Variants in TNNI1 observed in about 807,000 individuals in gnomAD.
TNNI1 encodes troponin I1, slow skeletal type.
Under a neutral mutation model 26.7 loss-of-function variants are expected in TNNI1, and 14 were observed. That is an observed-to-expected ratio of 0.52 (90% CI 0.35 to 0.82). The LOEUF (loss-of-function observed/expected upper bound fraction) is 0.82. Among genes scored for constraint, TNNI1 ranks in the 40% least tolerant of loss-of-function variants. The probability of loss-of-function intolerance (pLI) is 0.01; values close to 1 mark genes in which losing one functional copy is unlikely to be tolerated. For missense variants in TNNI1, 164 were observed against 257.0 expected (o/e 0.64, Z 2.47); for synonymous variants, 79 against 98.2 (o/e 0.80, Z 1.16).
At chr1:201,412,945 G>A in intron 6 of TNNI1, 87 bp downstream of exon 6, 1 of 1,364,550 alleles carries the variant, frequency 7.3e-7, no homozygotes, top group East Asian at 2.3e-5. Flanking sequence ...CCCTGTGGAA[G>A]GAGGGGACCT....
In TNNI1 at chr1:201,411,300, G is replaced by T; in HGVS notation, c.456+57C>A. 6.3e-7 allele frequency: 1 copy of T among 1,595,716 alleles called. No homozygotes were observed. The highest frequency in any genetic ancestry group is 1.1e-5 in the South Asian group (1 of 87,976). On this transcript the variant is annotated intron_variant, in intron 7 of 8. Transcript: ENST00000361379. The surrounding 1 kb of genome is among the most constrained non-coding windows in gnomAD (Gnocchi z 4.6). ...CCAGCCTGAGGCCATGTGAGGGGTT[G>T]ACAAGGGGAAAGCTGGTAGGGCAGA... is the stretch of plus-strand genomic sequence containing the variant.
rs1453011201 is a variant in TNNI1 at position 201,415,066 on chromosome 1, A to G, written c.57+147T>C. 20 of 748,138 alleles carry G rather than the reference A, an allele frequency of 2.7e-5. No individual in the cohort carries two copies. In the East Asian group the frequency reaches 4.6e-4, roughly 17 times the overall value. The allele number at this position is 748,138 out of a possible 1,614,324, so 46.3% of individuals were successfully genotyped here. On this transcript the variant is annotated intron_variant, in intron 4 of 8. Coordinates refer to ENST00000361379, the MANE Select transcript of TNNI1 (RefSeq NM_003281.4). Reference sequence around the variant, plus strand: ...ATCACCTGAGCCTGGCACTGGCTCCAGCAATGCTGGACTCCTGCCCCTCAT... The same window carrying G: ...ATCACCTGAGCCTGGCACTGGCTCCGGCAATGCTGGACTCCTGCCCCTCAT...
At chr1:201,417,934 T>C (rs1571738878) in intron 1 of TNNI1, 122 bp from the exon 2 acceptor site, 2 of 705,918 alleles carry the variant, frequency 2.8e-6, no homozygotes, top group Non-Finnish European at 4.1e-6. Flanking sequence ...ATCAGACACA[T>C]TGGATTCCAG....
rs779571063 is a variant in TNNI1 at position 201,410,544 on chromosome 1, G to A, written c.457-109C>T. ...GTCTCCTCGGATGATAAGAAATCCT[G>A]ATGCCCCTCCCCAGCTGGTAAGGTC... On this transcript the variant is annotated intron_variant, in intron 7 of 8. Transcript: ENST00000361379. 66 of 919,822 alleles carry A rather than the reference G, an allele frequency of 7.2e-5. 1 individual carries two copies. Among genetic ancestry groups the A allele is most frequent in the Non-Finnish European group, 1.1e-4 (64 of 586,666 alleles). 57.0% of individuals were successfully genotyped at this position (919,822 alleles called of 1,614,324 possible).
chr1:201,410,952 G>A (rs1208928085), intron 7 of TNNI1, among the ~76,000 whole-genome samples: 7 of 152,146 alleles, frequency 4.6e-5, no homozygotes, highest in Non-Finnish European at 8.8e-5. Flanking sequence ...TTGTTGCTGG[G>A]TGGTTGAACT....
chr1:201,421,162 A>C (rs988007622), intron 1 of TNNI1, among the ~76,000 whole-genome samples: 2 of 152,226 alleles, frequency 1.3e-5, no homozygotes, highest in African/African-American at 2.4e-5. Context: ...CAAAGAACAC[A>C]GAAGCAAGAT....
intron 3 of TNNI1, among the ~76,000 whole-genome samples, chr1:201,416,598 A>T (rs939755366): frequency 6.6e-6 from 1 of 152,190 alleles, no homozygotes; most frequent in Non-Finnish European, 1.5e-5. Context: ...TAGCCTGGTA[A>T]GTCTGGAGTG....
chr1:201,415,135 C>T (rs982251471), intron 4 of TNNI1, 78 bp downstream of exon 4: 17 of 1,316,818 alleles, frequency 1.3e-5, no homozygotes, highest in African/African-American at 5.8e-5. Context: ...CCATAATCCT[C>T]CACATCCCTT....
At position 201,411,504 on chromosome 1, in the gene TNNI1, G is replaced by A. The variant is rs1389159109; in HGVS notation, c.309C>T (p.Asp103=). 2 of 1,606,850 alleles carry A rather than the reference G, an allele frequency of 1.2e-6. No homozygotes were observed. The highest frequency in any genetic ancestry group is 1.7e-6 in the Non-Finnish European group (2 of 1,177,060). Residue 103 remains aspartate (D), a synonymous_variant, in exon 7 of 9, where the codon GAC becomes GAT. Coordinates refer to ENST00000361379, the MANE Select transcript of TNNI1 (RefSeq NM_003281.4). The surrounding 1 kb of genome is among the most constrained non-coding windows in gnomAD (Gnocchi z 4.6). ...GCGGGCGCTTGAACTTCCCACGGAG[G>A]TCCATCACCTTCAGCTTCAGGTCCT... is the stretch of plus-strand genomic sequence containing the variant. The part of the protein sequence containing the change: ...EIKDLKLKVM[D]LRGKFKRPPL...
At chr1:201,419,347 G>A (rs536855678) in intron 1 of TNNI1, among the ~76,000 whole-genome samples, 2 of 152,212 alleles carry the variant, frequency 1.3e-5, no homozygotes, top group East Asian at 3.9e-4. Context: ...CCTGGACACA[G>A]GGCATTCCAA....
chr1:201,415,567 A>T (rs902982639), intron 3 of TNNI1, among the ~76,000 whole-genome samples: 2 of 63,278 alleles, frequency 3.2e-5, no homozygotes, highest in African/African-American at 1.0e-4. Context: ...GTAAATAAGG[A>T]TATTAGGACC....
rs1229998480 is a variant in TNNI1 at position 201,406,469 on chromosome 1, C to T, written c.*2784G>A. On this transcript the variant is annotated 3_prime_UTR_variant, in exon 9 of 9. Transcript: ENST00000361379. ...CTAACCTCTCTGTGCCTCAGTTTTC[C>T]CCACTGTACCATGAGAATAGTAGCT... 2 of 152,236 alleles carry T rather than the reference C, an allele frequency of 1.3e-5. No homozygotes were observed. The highest frequency in any genetic ancestry group is 2.9e-5 in the Non-Finnish European group (2 of 68,072). The allele number at this position is 152,236 out of a possible 1,614,324, so 9.4% of individuals were successfully genotyped here. A position where few individuals can be genotyped will look rare whatever the true frequency, so the allele number is the denominator to read the frequency against.
chr1:201,410,144 C>T (rs529868871), intron 8 of TNNI1, 182 bp downstream of exon 8: 2 of 549,476 alleles, frequency 3.6e-6, no homozygotes, highest in Admixed American at 3.2e-5. Context: ...ATGACATGCC[C>T]AAGTATCATG....
chr1:201,419,528 T>C (rs1292962764), intron 1 of TNNI1, among the ~76,000 whole-genome samples: 1 of 152,172 alleles, frequency 6.6e-6, no homozygotes, highest in Non-Finnish European at 1.5e-5. Context: ...GGCAGGAGTT[T>C]GGACTTGGTT....
intron 1 of TNNI1, among the ~76,000 whole-genome samples, chr1:201,418,964 A>G (rs533083081): frequency 6.6e-6 from 1 of 152,184 alleles, no homozygotes; most frequent in African/African-American, 2.4e-5. Flanking sequence ...CATTTTGCCT[A>G]TCAGAAGGTG....
chr1:201,412,305 C>G (rs921726849), intron 6 of TNNI1, among the ~76,000 whole-genome samples: 1 of 152,156 alleles, frequency 6.6e-6, no homozygotes, highest in Non-Finnish European at 1.5e-5. Flanking sequence ...GGTCCTAGAC[C>G]CCTGGAGGAA....
In TNNI1 at chr1:201,411,239, T is replaced by G; in HGVS notation, c.456+118A>C. 3 of 1,037,080 alleles carry G rather than the reference T, an allele frequency of 2.9e-6. No individual in the cohort carries two copies. Among genetic ancestry groups the G allele is most frequent in the Non-Finnish European group, 4.3e-6 (3 of 693,520 alleles). 64.2% of individuals were successfully genotyped at this position (1,037,080 alleles called of 1,614,324 possible). On this transcript the variant is annotated intron_variant, in intron 7 of 8. Coordinates refer to ENST00000361379, the MANE Select transcript of TNNI1 (RefSeq NM_003281.4). This position sits in a 1 kb window ranked among gnomAD's most constrained non-coding sequence, Gnocchi z 4.6. ...CCAAAGCATTCTAGAATGTTCTGTC[T>G]GTCAAGCTGACTGGTCTCCAACAGG...
In TNNI1 at chr1:201,404,071, G is replaced by A. The variant is rs775180355; in HGVS notation, c.*5182C>T. On this transcript the variant is annotated 3_prime_UTR_variant, in exon 9 of 9. Transcript: ENST00000361379. ...GGGACATTCCACCAGGCAGGGCTTA[G>A]CACAACTGGGAATTCCCTGGTCAAA... The A allele has an allele frequency of 5.3e-5, 8 of 152,192 alleles. No individual in the cohort carries two copies. The highest frequency in any genetic ancestry group is 8.8e-5 in the Non-Finnish European group (6 of 68,038). The allele number at this position is 152,192 out of a possible 1,614,324, so 9.4% of individuals were successfully genotyped here. A position where few individuals can be genotyped will look rare whatever the true frequency, so the allele number is the denominator to read the frequency against.
intron 1 of TNNI1, among the ~76,000 whole-genome samples, chr1:201,419,324 C>T (rs971672237): frequency 2.0e-5 from 3 of 152,316 alleles, no homozygotes; most frequent in African/African-American, 4.8e-5. Flanking sequence ...CATAATTCAC[C>T]GTCTTGCCTG....
Sources: allele counts gnomAD v4.1 joint callset (sites outside exome capture counted in the v4.1 genomes callset), GRCh38; gene constraint gnomAD v4.1.1; non-coding constraint Gnocchi (gnomAD v3.1); transcripts MANE v1.5; gene names NCBI Gene and HGNC (gene_info 2026-07-23, HGNC 2026-07-21).